RASA3: variants seen among roughly 807,000 people sequenced by gnomAD.
RASA3 encodes ras GTPase-activating protein 3.
RASA3 carries 73 observed loss-of-function variants against 110.0 expected under a neutral mutation model. The observed-to-expected ratio is 0.66, with a 90% confidence interval of 0.55 to 0.81. The LOEUF (loss-of-function observed/expected upper bound fraction) is 0.81, where lower values mean the gene tolerates loss of function less well. Ranked by LOEUF, RASA3 falls within the 30% of genes least tolerant of loss-of-function variation. The pLI is 0.00. For missense variants in RASA3, 976 were observed against 1,113.2 expected, an observed-to-expected ratio of 0.88 and a Z score of 1.75; for synonymous variants, 500 against 451.4, an observed-to-expected ratio of 1.11 and a Z score of -1.37.
chr13:114,027,545 C>T, intron 6 of RASA3, 84 bp from the exon 7 acceptor site: 1 of 1,021,088 alleles, frequency 9.8e-7, no homozygotes, highest in Non-Finnish European at 1.5e-6. Flanking sequence ...CTCTCAAATG[C>T]ACAAGTCACT....
At position 113,981,811 on chromosome 13, in the gene RASA3, ACTC is replaced by A. The variant is rs1594271273; in HGVS notation, c.2290_2292del (p.Glu764del). 1 of 1,612,598 alleles carries A rather than the reference ACTC, an allele frequency of 6.2e-7. No homozygotes were observed. The highest frequency in any genetic ancestry group is 8.5e-7 in the Non-Finnish European group (1 of 1,179,632). ...GGGTCGTCAATGACGAACGTCGAATACTCCTCCTGCTCCGGGCCGTCATACACA... is the reference window on the plus strand; with the variant it reads ...GGGTCGTCAATGACGAACGTCGAATACTCCTGCTCCGGGCCGTCATACACA... On this transcript the variant is annotated inframe_deletion, in exon 23 of 24. Transcript: ENST00000334062.
At chr13:114,063,151 C>T (rs958508558) in intron 2 of RASA3, among the ~76,000 whole-genome samples, 12 of 152,098 alleles carry the variant, frequency 7.9e-5, no homozygotes, top group Admixed American at 4.6e-4. Flanking sequence ...GTGAATTGTA[C>T]GGTGCTTGAA....
In RASA3 at chr13:114,112,843, A is replaced by G. The variant is rs2080236340; in HGVS notation, c.55+19592T>C. Among the ~76,000 whole-genome samples, 2 of 152,096 alleles carry G rather than the reference A, an allele frequency of 1.3e-5. No individual in the cohort carries two copies. The highest frequency in any genetic ancestry group is 4.2e-4 in the South Asian group (2 of 4,816). ...TCTCAGCTCAAAGGGTTTCCAAGAG[A>G]ATCCTCAGCAAAAAAGCAACACTCG... is the stretch of plus-strand genomic sequence containing the variant. On this transcript the variant is annotated intron_variant, in intron 1 of 23. Coordinates refer to ENST00000334062, the MANE Select transcript of RASA3 (RefSeq NM_007368.4). This position sits in a 1 kb window ranked among gnomAD's most constrained non-coding sequence, Gnocchi z 4.8.
intron 14 of RASA3, among the ~76,000 whole-genome samples, chr13:114,013,729 CGTCT>C (rs576484827): frequency 2.1e-3 from 136 of 64,360 alleles, no homozygotes; most frequent in East Asian, 3.2e-3. Flanking sequence ...TCTCTCCGTC[CGTCT>C]GTCTCTGGCT....
intron 1 of RASA3, among the ~76,000 whole-genome samples, chr13:114,087,335 G>A (rs1050167993): frequency 2.6e-5 from 4 of 152,178 alleles, no homozygotes; most frequent in East Asian, 3.8e-4. Flanking sequence ...GGGAAATCAC[G>A]GGGAAGTGGT....
At chr13:114,076,534 G>GCAGGCAGCACCGCACACA (rs2139681282) in intron 1 of RASA3, among the ~76,000 whole-genome samples, 1 of 151,704 alleles carries the variant, frequency 6.6e-6, no homozygotes, top group African/African-American at 2.4e-5. Flanking sequence ...GCACACGCAC[G>GCAGGCAGCACCGCACACA]CAGGCAGCAC....
chr13:114,064,174 G>A (rs74116461), intron 2 of RASA3, among the ~76,000 whole-genome samples: 2,574 of 152,302 alleles, frequency 0.017, 59 homozygotes, highest in African/African-American at 0.059. Flanking sequence ...TCTGAAATGA[G>A]CTCCAGCAGA....
chr13:114,121,926 G>A (rs1317287520), intron 1 of RASA3, among the ~76,000 whole-genome samples: 1 of 152,234 alleles, frequency 6.6e-6, no homozygotes, highest in African/African-American at 2.4e-5. Context: ...GAGTGCAGGA[G>A]CCTGCTCCCA....
chr13:114,037,494 G>A (rs1292239512), intron 4 of RASA3, among the ~76,000 whole-genome samples: 1 of 152,144 alleles, frequency 6.6e-6, no homozygotes, highest in Admixed American at 6.5e-5. Context: ...CGGTGGGGAA[G>A]GGGCGGACGG....
chr13:114,040,558 CGGGCGAACACGCACAACCCAAAA>C, intron 4 of RASA3, among the ~76,000 whole-genome samples: 1 of 128,018 alleles, frequency 7.8e-6, no homozygotes, highest in East Asian at 2.7e-4. Flanking sequence ...CGAGCACAAG[CGGGCGAACACGCACAACCCAAAA>C]TCCATGGCGG....
At chr13:114,046,858 C>T (rs768301520) in intron 3 of RASA3, among the ~76,000 whole-genome samples, 9 of 152,294 alleles carry the variant, frequency 5.9e-5, no homozygotes, top group African/African-American at 1.9e-4. Context: ...CCAAGGGTGC[C>T]GGAACAAAGG....
chr13:114,120,048 C>T (rs1210934571), intron 1 of RASA3, among the ~76,000 whole-genome samples: 1 of 101,932 alleles, frequency 9.8e-6, no homozygotes, highest in Admixed American at 9.7e-5. Context: ...GGGCCCCTCC[C>T]TCTCTCCAGC....
intron 15 of RASA3, among the ~76,000 whole-genome samples, chr13:114,012,472 T>C (rs2053655296): frequency 9.8e-6 from 1 of 101,800 alleles, no homozygotes; most frequent in Non-Finnish European, 2.0e-5. Context: ...CCACACACAC[T>C]CCCCATTCCA....
At chr13:114,021,643 C>A in intron 8 of RASA3, 135 bp from the exon 9 acceptor site, 1 of 675,546 alleles carries the variant, frequency 1.5e-6, no homozygotes, top group Admixed American at 2.6e-5. Context: ...CAAGGCTCAG[C>A]CCACAGGGCA....
intron 2 of RASA3, among the ~76,000 whole-genome samples, chr13:114,055,879 G>A (rs368117571): frequency 1.9e-4 from 29 of 152,314 alleles, no homozygotes; most frequent in African/African-American, 6.3e-4. Flanking sequence ...TGGGCCTTGC[G>A]GCAAATGCGT....
At chr13:114,009,731 C>T (rs576520877) in intron 16 of RASA3, among the ~76,000 whole-genome samples, 5 of 152,364 alleles carry the variant, frequency 3.3e-5, no homozygotes, top group South Asian at 4.1e-4. Context: ...GTCCTGGCCC[C>T]GGGCTGTCCC....
At chr13:113,996,504 G>C in intron 21 of RASA3, 27 bp downstream of exon 21, 1 of 1,602,044 alleles carries the variant, frequency 6.2e-7, no homozygotes, top group East Asian at 2.2e-5. Flanking sequence ...CACAGTGCAC[G>C]AGCTGGGCAC....
chr13:114,063,266 T>A (rs2079391983), intron 2 of RASA3, among the ~76,000 whole-genome samples: 1 of 151,512 alleles, frequency 6.6e-6, no homozygotes, highest in Non-Finnish European at 1.5e-5. Context: ...CCTCCTGGAG[T>A]TTTTTCTCCA....
At chr13:114,053,416 G>A (rs1471616966) in intron 2 of RASA3, among the ~76,000 whole-genome samples, 6 of 152,282 alleles carry the variant, frequency 3.9e-5, no homozygotes, top group African/African-American at 1.4e-4. Context: ...GATTACTGCG[G>A]TGCACGCACA....
Sources: allele counts gnomAD v4.1 joint callset (sites outside exome capture counted in the v4.1 genomes callset), GRCh38; gene constraint gnomAD v4.1.1; non-coding constraint Gnocchi (gnomAD v3.1); transcripts MANE v1.5; gene names NCBI Gene and HGNC (gene_info 2026-07-23, HGNC 2026-07-21).